Variants in TRHDE observed in about 807,000 individuals in gnomAD.
The protein encoded by TRHDE is thyrotropin releasing hormone degrading enzyme, also known as thyrotropin-releasing hormone-degrading ectoenzyme.
A neutral mutation model predicts 125.7 loss-of-function variants in TRHDE; 72 were observed. The observed-to-expected ratio is 0.57, with a 90% CI of 0.47 to 0.70. The LOEUF is 0.70. TRHDE is among the 30% of genes least tolerant of loss of function. The pLI, the probability that TRHDE is intolerant of heterozygous loss-of-function variation, is 0.00. For missense variants in TRHDE, 1,110 were observed against 1,327.1 expected, an observed-to-expected ratio of 0.84 and a Z score of 2.54; for synonymous variants, 509 against 509.1, an observed-to-expected ratio of 1.00 and a Z score of 0.00.
At chr12:72,152,797 C>T (rs1212651995) in intron 2 of TRHDE, among the ~76,000 whole-genome samples, 1 of 152,136 alleles carries the variant, frequency 6.6e-6, no homozygotes, top group African/African-American at 2.4e-5. Context: ...ATTCAGTTTG[C>T]CAGTATTTTA....
At chr12:72,519,665 AGCTTTATTCCATT>A (rs1173589408) in intron 6 of TRHDE, among the ~76,000 whole-genome samples, 3 of 152,224 alleles carry the variant, frequency 2.0e-5, no homozygotes, top group Admixed American at 2.0e-4. Context: ...TTCTCCGTCC[AGCTTTATTCCATT>A]GCTGGTGAGG....
At chr12:72,331,053 A>AC (rs1227762694) in intron 2 of TRHDE, among the ~76,000 whole-genome samples, 1 of 152,204 alleles carries the variant, frequency 6.6e-6, no homozygotes, top group African/African-American at 2.4e-5. Context: ...GGTAATAGTA[A>AC]CAATAGCAAA....
chr12:72,515,703 T>G lies in TRHDE; in HGVS notation c.1722+16068T>G, dbSNP rs567838937. Among the ~76,000 whole-genome samples the G allele has an allele frequency of 8.7e-4, 133 of 152,194 alleles. 1 individual carries two copies. Among genetic ancestry groups the G allele is most frequent in the African/African-American group, 3.1e-3 (129 of 41,518 alleles). On this transcript the variant is annotated intron_variant, in intron 6 of 18. Coordinates refer to ENST00000261180, the MANE Select transcript of TRHDE (RefSeq NM_013381.3). ...GCCATTGCTTTTGGTGTTTTAGACA[T>G]GAAGTCCTTGCCCATGCCTATGTCC...
intron 2 of TRHDE, chr12:72,147,882 G>T (rs1434854684): frequency 6.6e-6 from 1 of 152,238 alleles, no homozygotes; most frequent in African/African-American, 2.4e-5. Context: ...GCTTTCCAAG[G>T]TATGCGCTCA....
At chr12:72,561,148 T>G (rs7966641) in intron 7 of TRHDE, among the ~76,000 whole-genome samples, 1,585 of 152,320 alleles carry the variant, frequency 0.01, 26 homozygotes, top group African/African-American at 0.036. Flanking sequence ...AGTTGCCATT[T>G]GCTGTGCTGT....
At chr12:72,111,884 C>A (rs1393528532) in intron 2 of TRHDE, among the ~76,000 whole-genome samples, 6 of 151,998 alleles carry the variant, frequency 3.9e-5, no homozygotes, top group Non-Finnish European at 8.8e-5. Flanking sequence ...TACACAGAGT[C>A]ATTTTAGCAA....
chr12:72,114,379 C>A (rs1592445507), intron 2 of TRHDE, among the ~76,000 whole-genome samples: 1 of 152,140 alleles, frequency 6.6e-6, no homozygotes, highest in East Asian at 1.9e-4. Flanking sequence ...GAAGCCTTAC[C>A]AATAACAATC....
chr12:72,418,222 T>C (rs1228198140), intron 3 of TRHDE, among the ~76,000 whole-genome samples: 1 of 152,088 alleles, frequency 6.6e-6, no homozygotes, highest in African/African-American at 2.4e-5. Flanking sequence ...ATTACTTCAG[T>C]GTTTCTCTTT....
At chr12:72,460,973 AC>A (rs1876102207) in intron 3 of TRHDE, among the ~76,000 whole-genome samples, 1 of 152,176 alleles carries the variant, frequency 6.6e-6, no homozygotes, top group Admixed American at 6.6e-5. Flanking sequence ...ATTGCAATTG[AC>A]AGTAATCAGT....
intron 2 of TRHDE, among the ~76,000 whole-genome samples, chr12:72,306,104 T>C (rs1173964931): frequency 6.6e-6 from 1 of 152,234 alleles, no homozygotes; most frequent in African/African-American, 2.4e-5. Flanking sequence ...AAGTGTTTTT[T>C]CTGCTGGTGG....
intron 13 of TRHDE, among the ~76,000 whole-genome samples, chr12:72,620,229 A>C (rs1347252023): frequency 6.6e-6 from 1 of 151,806 alleles, no homozygotes; most frequent in African/African-American, 2.4e-5. Flanking sequence ...GTAAACAGTT[A>C]AGAATCATTT....
At chr12:72,146,909 T>C (rs1219653848) in intron 2 of TRHDE, among the ~76,000 whole-genome samples, 2 of 152,136 alleles carry the variant, frequency 1.3e-5, no homozygotes, top group Admixed American at 1.3e-4. Flanking sequence ...CTCAGTGAGA[T>C]GGATGCGGAG....
At chr12:72,325,745 A>C (rs975866374) in intron 2 of TRHDE, among the ~76,000 whole-genome samples, 6 of 152,162 alleles carry the variant, frequency 3.9e-5, no homozygotes, top group African/African-American at 1.4e-4. Context: ...AATTACTTTG[A>C]AATGAGGAAC....
At position 72,508,543 on chromosome 12, in the gene TRHDE, AC is replaced by A. The variant is rs546898887; in HGVS notation, c.1722+8911del. 3.1e-3 allele frequency among the ~76,000 whole-genome samples: 472 copies of A among 152,280 alleles called. 3 individuals are homozygous for A. Among genetic ancestry groups the A allele is most frequent in the Non-Finnish European group, 3.0e-3 (201 of 68,022 alleles). On this transcript the variant is annotated intron_variant, in intron 6 of 18. Coordinates refer to ENST00000261180, the MANE Select transcript of TRHDE (RefSeq NM_013381.3). ...TCTCCCTTTTGGAATGGGAGTATTT[AC>A]CCAATGCCTGTATCCCCATTCTATC...
intron 2 of TRHDE, among the ~76,000 whole-genome samples, chr12:72,248,826 T>A (rs1196681451): frequency 6.6e-6 from 1 of 152,224 alleles, no homozygotes; most frequent in East Asian, 1.9e-4. Flanking sequence ...CCTTGGTAGA[T>A]GTGAAATCTA....
At chr12:72,163,909 T>C (rs561448806) in intron 2 of TRHDE, among the ~76,000 whole-genome samples, 13 of 152,238 alleles carry the variant, frequency 8.5e-5, no homozygotes, top group African/African-American at 3.1e-4. Flanking sequence ...GTCAGGAGTT[T>C]GAGACCAGTC....
rs577663539 is a variant in TRHDE at position 72,345,592 on chromosome 12, GA to G, written c.1189-32399del. Among the ~76,000 whole-genome samples the G allele has an allele frequency of 7.2e-5, 11 of 152,198 alleles. No homozygotes were observed. The South Asian group carries it at 1.4e-3, about 20-fold the overall frequency. On this transcript the variant is annotated intron_variant, in intron 2 of 18. Coordinates refer to ENST00000261180, the MANE Select transcript of TRHDE (RefSeq NM_013381.3). ...CTAACATCCAGCTTTCAAAATTTCT[GA>G]AAATATAACAATGGACTTTTGTGAA...
intron 3 of TRHDE, among the ~76,000 whole-genome samples, chr12:72,388,268 C>G (rs948335695): frequency 6.6e-6 from 1 of 152,172 alleles, no homozygotes; most frequent in Non-Finnish European, 1.5e-5. Flanking sequence ...GATCATTTCC[C>G]AAATCTCTTC....
chr12:72,238,202 G>A (rs1878373646), intron 2 of TRHDE, among the ~76,000 whole-genome samples: 2 of 143,528 alleles, frequency 1.4e-5, no homozygotes, highest in Non-Finnish European at 3.0e-5. Context: ...TAATAAGTTA[G>A]GTGAGAAAAG....
Sources: gnomAD v4.1 joint callset for allele counts (sites outside exome capture counted in the v4.1 genomes callset) on GRCh38, gnomAD v4.1.1 for gene constraint, MANE v1.5 for transcripts, NCBI Gene and HGNC (gene_info 2026-07-23, HGNC 2026-07-21) for gene names.